RBFOX3: variants seen among roughly 807,000 people sequenced by gnomAD.
RBFOX3 encodes RNA binding protein fox-1 homolog 3.
RBFOX3 carries 17 observed loss-of-function variants against 48.7 expected under a neutral mutation model. That is an observed-to-expected ratio of 0.35 (90% confidence interval 0.24 to 0.52). The LOEUF is 0.52. Among genes scored for constraint, RBFOX3 ranks in the 20% least tolerant of loss-of-function variants. The pLI is 0.94. For synonymous variants in RBFOX3, 212 were observed against 209.5 expected (o/e 1.01, Z -0.10); for missense variants, 382 against 497.5 (o/e 0.77, Z 2.21).
intron 1 of RBFOX3, among the ~76,000 whole-genome samples, chr17:79,591,716 T>C (rs1744701435): frequency 6.6e-6 from 1 of 152,124 alleles, no homozygotes; most frequent in African/African-American, 2.4e-5. Context: ...CACAGATTGC[T>C]GGTTTGAGAG....
intron 2 of RBFOX3, among the ~76,000 whole-genome samples, chr17:79,437,244 G>T (rs1366234545): frequency 6.6e-6 from 1 of 152,158 alleles, no homozygotes; most frequent in Admixed American, 6.5e-5. Context: ...AGGTTGGCTG[G>T]TGCCTCCACT....
At chr17:79,572,837 A>C (rs932304798) in intron 1 of RBFOX3, among the ~76,000 whole-genome samples, 15 of 151,996 alleles carry the variant, frequency 9.9e-5, no homozygotes, top group African/African-American at 3.6e-4. Flanking sequence ...GAGGCTGGCC[A>C]CCCGTGCTGC....
At chr17:79,504,045 AGGTGGCAGG>A (rs2082739767) in intron 1 of RBFOX3, among the ~76,000 whole-genome samples, 1 of 110,844 alleles carries the variant, frequency 9.0e-6, no homozygotes, top group Non-Finnish European at 2.1e-5. Flanking sequence ...AGGGTGCTCC[AGGTGGCAGG>A]GTGCTCACCT....
At chr17:79,656,830 AAAAG>A in the RBFOX3 span, among the ~76,000 whole-genome samples, 29 of 140,790 alleles carry the variant, frequency 2.1e-4, 1 homozygote, top group South Asian at 3.2e-3. Context: ...AGAAAGAAAG[AAAAG>A]AAAGAAAGAA....
rs984939489 is a variant in RBFOX3 at position 79,220,026 on chromosome 17, C to T, written c.-34+15740G>A. Among the ~76,000 whole-genome samples, 6 of 147,414 alleles carry T rather than the reference C, an allele frequency of 4.1e-5. No homozygotes were observed. The highest frequency in any genetic ancestry group is 6.0e-5 in the Non-Finnish European group (4 of 66,962). ...CTTCCTGTCTGGGGACACCTCCAAC[C>T]GGCACCCCTGCCTGCTGGGCCCTGG... On this transcript the variant is annotated intron_variant, in intron 4 of 14. Transcript: ENST00000693108. This position sits in a 1 kb window ranked among gnomAD's most constrained non-coding sequence, Gnocchi z 5.9.
At chr17:79,401,219 A>C (rs1356441101) in intron 2 of RBFOX3, among the ~76,000 whole-genome samples, 1 of 152,248 alleles carries the variant, frequency 6.6e-6, no homozygotes, top group Non-Finnish European at 1.5e-5. Flanking sequence ...CTCCGCGGTC[A>C]GGTTCCACTC....
rs1267090416 is a variant in RBFOX3, at chr17:79,421,824, G to A, written c.-175+60630C>T. ...GGCAGAGAGAGAGAAGGGGAAGGAAGTGATCAGGTGCCGGAAGGCCCCGTG... is the reference window on the plus strand; with the variant it reads ...GGCAGAGAGAGAGAAGGGGAAGGAAATGATCAGGTGCCGGAAGGCCCCGTG... On this transcript the variant is annotated intron_variant, in intron 2 of 14. Transcript: ENST00000693108. The surrounding 1 kb of genome is among the most constrained non-coding windows in gnomAD (Gnocchi z 4.5). Among the ~76,000 whole-genome samples the A allele has an allele frequency of 2.0e-5, 3 of 152,136 alleles. No individual in the cohort carries two copies. Among genetic ancestry groups the A allele is most frequent in the African/African-American group, 7.2e-5 (3 of 41,434 alleles).
At chr17:79,264,320 T>C (rs2066307270) in intron 3 of RBFOX3, among the ~76,000 whole-genome samples, 1 of 151,672 alleles carries the variant, frequency 6.6e-6, no homozygotes, top group Non-Finnish European at 1.5e-5. Flanking sequence ...AGGTGATCCA[T>C]GTGCGTCGCC....
At chr17:79,155,842 T>A (rs757557152) in intron 4 of RBFOX3, among the ~76,000 whole-genome samples, 1 of 152,122 alleles carries the variant, frequency 6.6e-6, no homozygotes, top group Non-Finnish European at 1.5e-5. Flanking sequence ...CCCCTCCCGA[T>A]GGTGGCTGGG....
At chr17:79,601,830 A>G (rs2093711192) in intron 1 of RBFOX3, 1 of 152,170 alleles carries the variant, frequency 6.6e-6, no homozygotes, top group Non-Finnish European at 1.5e-5. Flanking sequence ...AGACGGCTCT[A>G]TTTTAAAAGT....
At chr17:79,569,178 AC>A (rs1319009646) in intron 1 of RBFOX3, among the ~76,000 whole-genome samples, 1 of 152,048 alleles carries the variant, frequency 6.6e-6, no homozygotes, top group Non-Finnish European at 1.5e-5. Flanking sequence ...CATGACTATG[AC>A]CCACTTCCAG....
Position 79,610,914 on chromosome 17 carries a change from G to T in RBFOX3, c.-408C>A, listed in dbSNP as rs1023837241. Among the ~76,000 whole-genome samples, 31 of 151,564 alleles carry T rather than the reference G, an allele frequency of 2.0e-4. No homozygotes were observed. Among genetic ancestry groups the T allele is most frequent in the Middle Eastern group, 6.9e-3 (2 of 290 alleles). The stretch of plus-strand genomic sequence containing the variant: ...CCGCCGAGCGGGCAGCGGCGTCCTG[G>T]GGCCGCACAGGCACCGGCGAGCCAG... On this transcript the variant is annotated 5_prime_UTR_variant, in exon 1 of 15. Transcript: ENST00000693108.
intron 8 of RBFOX3, among the ~76,000 whole-genome samples, chr17:79,102,717 G>T (rs1015903543): frequency 3.3e-5 from 5 of 152,194 alleles, no homozygotes; most frequent in African/African-American, 1.2e-4. Flanking sequence ...GGGTGGAGTG[G>T]GGCCAAGGTG....
chr17:79,548,629 A>C (rs1453387289), intron 1 of RBFOX3, among the ~76,000 whole-genome samples: 1 of 152,190 alleles, frequency 6.6e-6, no homozygotes, highest in African/African-American at 2.4e-5. Flanking sequence ...CAGTTTCTCC[A>C]GCTGTAAATC....
intron 3 of RBFOX3, among the ~76,000 whole-genome samples, chr17:79,292,541 C>T (rs993133433): frequency 1.3e-5 from 2 of 151,976 alleles, no homozygotes; most frequent in Non-Finnish European, 1.5e-5. Context: ...AACATGTTTA[C>T]ACTCACACTT....
intron 2 of RBFOX3, among the ~76,000 whole-genome samples, chr17:79,335,626 C>T (rs1048677300): frequency 2.6e-5 from 4 of 152,192 alleles, no homozygotes; most frequent in African/African-American, 4.8e-5. Flanking sequence ...CCCCAGCCTC[C>T]GCCATCTGGC....
intron 1 of RBFOX3, among the ~76,000 whole-genome samples, chr17:79,608,531 G>A (rs1599284012): frequency 6.6e-6 from 1 of 152,176 alleles, no homozygotes; most frequent in Non-Finnish European, 1.5e-5. Context: ...AGAAAACCCC[G>A]GCCGTGCAAG....
At chr17:79,384,356 C>T (rs768031866) in intron 2 of RBFOX3, among the ~76,000 whole-genome samples, 3 of 152,124 alleles carry the variant, frequency 2.0e-5, no homozygotes, top group African/African-American at 4.8e-5. Flanking sequence ...CATCTGGCCA[C>T]GCCCTCCCTG....
chr17:79,129,177 A>T (rs1028265072), intron 4 of RBFOX3, among the ~76,000 whole-genome samples: 1 of 152,160 alleles, frequency 6.6e-6, no homozygotes, highest in Non-Finnish European at 1.5e-5. Context: ...CGGTGGCTGA[A>T]GGCTTACGAA....
Sources: gnomAD v4.1 joint callset for allele counts (sites outside exome capture counted in the v4.1 genomes callset) on GRCh38, gnomAD v4.1.1 for gene constraint, Gnocchi (gnomAD v3.1) non-coding constraint, MANE v1.5 for transcripts, NCBI Gene and HGNC (gene_info 2026-07-23, HGNC 2026-07-21) for gene names.